Variants in PSME4 observed in about 807,000 individuals in gnomAD.
The protein encoded by PSME4 is proteasome activator complex subunit 4.
In PSME4, 89 loss-of-function variants were observed where a neutral mutation model predicts 253.9. That is an observed-to-expected ratio of 0.35 (90% CI 0.30 to 0.42). The LOEUF (loss-of-function observed/expected upper bound fraction) is 0.42, where lower values mean the gene tolerates loss of function less well. Among genes scored for constraint, PSME4 ranks in the 10% least tolerant of loss-of-function variants. The pLI is 1.00. For synonymous variants in PSME4, 851 were observed against 759.2 expected, an observed-to-expected ratio of 1.12 and a Z score of -1.99; for missense variants, 2,014 against 2,195.2, an observed-to-expected ratio of 0.92 and a Z score of 1.65.
chr2:53,940,746 A>G (rs898323221), intron 3 of PSME4, among the ~76,000 whole-genome samples: 1 of 150,532 alleles, frequency 6.6e-6, no homozygotes, highest in African/African-American at 2.4e-5. Context: ...AATATAAACA[A>G]TGGAGCACTA....
chr2:53,915,718 A>G (rs1368537985), intron 20 of PSME4, among the ~76,000 whole-genome samples: 2 of 152,182 alleles, frequency 1.3e-5, no homozygotes, highest in Non-Finnish European at 2.9e-5. Context: ...CTGACAAAAA[A>G]AAATTACAGC....
rs375646326 is a variant in PSME4 at position 53,923,270 on chromosome 2, A to T, written c.1908+51T>A. The T allele has an allele frequency of 4.5e-6, 7 of 1,541,000 alleles. No individual in the cohort carries two copies. In the African/African-American group the frequency reaches 9.7e-5, roughly 21 times the overall value. On this transcript the variant is annotated intron_variant, in intron 15 of 46. Transcript: ENST00000404125. ...GCACCTCTAATAATTAACCATATAA[A>T]CTAGTTGATTGTTGAGTCATTAATA...
chr2:53,957,826 G>A (rs1558428756), intron 1 of PSME4, among the ~76,000 whole-genome samples: 1 of 152,128 alleles, frequency 6.6e-6, no homozygotes. Flanking sequence ...TCTTCAGAAA[G>A]CAAAACTTTA....
rs192486875 is a variant in PSME4, at chr2:53,908,442, T to C, written c.2686-24A>G. 6 of 1,612,436 alleles carry C rather than the reference T, an allele frequency of 3.7e-6. No homozygotes were observed. In the East Asian group the frequency reaches 1.1e-4, roughly 30 times the overall value. On this transcript the variant is annotated intron_variant, in intron 23 of 46. Transcript: ENST00000404125. ...ATCTGTGTCAAAGAATTTCAAATTG[T>C]ATTTGCAAGTCATCAATCCAAGCTT...
intron 1 of PSME4, 126 bp downstream of exon 1, chr2:53,970,417 C>T: frequency 6.8e-7 from 1 of 1,470,138 alleles, no homozygotes; most frequent in Non-Finnish European, 9.0e-7. Flanking sequence ...CTGGGATCAC[C>T]GCTCGGGGAC....
chr2:53,891,263 G>C (rs571939908), intron 36 of PSME4, among the ~76,000 whole-genome samples: 16 of 152,232 alleles, frequency 1.1e-4, no homozygotes, highest in African/African-American at 3.9e-4. Context: ...GTCGTACAGA[G>C]ACTGCATTTA....
chr2:53,956,572 A>G (rs1052360161), intron 1 of PSME4, among the ~76,000 whole-genome samples: 2 of 151,776 alleles, frequency 1.3e-5, no homozygotes, highest in African/African-American at 4.8e-5. Context: ...AACAGGAATT[A>G]TTATTCTATA....
chr2:53,951,882 GC>G (rs1235903677), intron 1 of PSME4, among the ~76,000 whole-genome samples: 11 of 152,072 alleles, frequency 7.2e-5, no homozygotes, highest in African/African-American at 2.7e-4. Flanking sequence ...AAATGGTAAC[GC>G]ACGTAGATTA....
rs1448631176 is a variant in PSME4 at position 53,940,013 on chromosome 2, A to T, written c.501-13T>A. 1 of 1,556,958 alleles carries T rather than the reference A, an allele frequency of 6.4e-7. No homozygotes were observed. Among genetic ancestry groups the T allele is most frequent in the Non-Finnish European group, 8.8e-7 (1 of 1,139,252 alleles). On this transcript the variant is annotated splice_polypyrimidine_tract_variant and intron_variant, in intron 3 of 46. Transcript: ENST00000404125. ...ATTTTCTACAGAACTGGGGGGGGAA[A>T]GCCATTTGATAATTAGATTGGTGTA... is the stretch of plus-strand genomic sequence containing the variant.
At chr2:53,950,190 G>T (rs1669910297) in intron 1 of PSME4, among the ~76,000 whole-genome samples, 1 of 152,036 alleles carries the variant, frequency 6.6e-6, no homozygotes, top group Non-Finnish European at 1.5e-5. Flanking sequence ...TGAGGTGGGA[G>T]GATCACTGGA....
In PSME4 at chr2:53,948,454, T is replaced by C. The variant is rs774387192; in HGVS notation, c.467A>G (p.Lys156Arg). 4.3e-6 allele frequency: 7 copies of C among 1,612,842 alleles called. No individual in the cohort carries two copies. In the Admixed American group the frequency reaches 5.0e-5, roughly 12 times the overall value. ...CCAATTTAATCCTAGGTGCTCTGTC[T>C]TGGAATATAATATTCTTTCTACCAT... ...YDMVERILYS[K>R]TEHLGLNWFP... The change falls in exon 3 of 47, where the codon AAG becomes AGG. Residue 156 changes from lysine (K) to arginine (R), a missense_variant. Transcript: ENST00000404125.
chr2:53,950,816 G>T (rs1267744589), intron 1 of PSME4, among the ~76,000 whole-genome samples: 1 of 149,182 alleles, frequency 6.7e-6, no homozygotes, highest in East Asian at 2.0e-4. Context: ...ACTCCAGCCT[G>T]GGCAACAAGA....
At chr2:53,950,354 C>G (rs1175353955) in intron 1 of PSME4, among the ~76,000 whole-genome samples, 3 of 151,308 alleles carry the variant, frequency 2.0e-5, no homozygotes, top group African/African-American at 7.3e-5. Flanking sequence ...TATCTAATGA[C>G]CAATTAAAAC....
rs774751857 is a variant in PSME4, at chr2:53,928,501, CAA to C, written c.1317-200_1317-199del. ...CTGTAGTTTCCGTAGTTTCAGTTAACAAAGGTTAACCAAATATTTGTGTCCTG... is the reference window on the plus strand; with the variant it reads ...CTGTAGTTTCCGTAGTTTCAGTTAACAGGTTAACCAAATATTTGTGTCCTG... On this transcript the variant is annotated intron_variant, in intron 10 of 46. Coordinates refer to ENST00000404125, the MANE Select transcript of PSME4 (RefSeq NM_014614.3). Among the ~76,000 whole-genome samples, 12 of 139,774 alleles carry C rather than the reference CAA, an allele frequency of 8.6e-5. No homozygotes were observed. In the East Asian group the frequency reaches 2.3e-3, roughly 26 times the overall value. 91.7% of individuals were successfully genotyped at this position (139,774 alleles called of 152,430 possible). A position where few individuals can be genotyped will look rare whatever the true frequency, so the allele number is the denominator to read the frequency against.
chr2:53,881,506 T>G (rs1679388858), intron 41 of PSME4: 1 of 152,180 alleles, frequency 6.6e-6, no homozygotes, highest in African/African-American at 2.4e-5. Context: ...CTAACAGTTC[T>G]GTGAGGGACA....
At chr2:53,921,610 T>C (rs1441560301) in intron 17 of PSME4, among the ~76,000 whole-genome samples, 1 of 143,552 alleles carries the variant, frequency 7.0e-6, no homozygotes, top group Non-Finnish European at 1.5e-5. Flanking sequence ...GGCTCACGCC[T>C]GTAATCCCAG....
At position 53,890,112 on chromosome 2, in the gene PSME4, T is replaced by C. The variant is rs777983969; in HGVS notation, c.4288A>G (p.Thr1430Ala). 3.1e-6 allele frequency: 5 copies of C among 1,610,734 alleles called. No homozygotes were observed. Among genetic ancestry groups the C allele is most frequent in the South Asian group, 1.1e-5 (1 of 90,958 alleles). ...GATGTAGGGTAACTTACACAGGATG[T>C]TGCTATACAAGCTCCCCAGTCATTA... ...TYNDWGACIA[T>A]SCESRDPRKL... Residue 1430 changes from threonine to alanine, a missense_variant, in exon 37 of 47, where the codon ACA becomes GCA. Physicochemically the swap from Thr to Ala is moderately conservative, Grantham distance 58. Transcript: ENST00000404125.
intron 1 of PSME4, among the ~76,000 whole-genome samples, chr2:53,961,745 C>T (rs1391268020): frequency 6.6e-6 from 1 of 152,158 alleles, no homozygotes; most frequent in African/African-American, 2.4e-5. Flanking sequence ...AGCACTTCAA[C>T]ATAAATTTAA....
intron 8 of PSME4, among the ~76,000 whole-genome samples, chr2:53,933,540 C>T (rs1668958556): frequency 6.6e-6 from 1 of 152,120 alleles, no homozygotes; most frequent in Non-Finnish European, 1.5e-5. Flanking sequence ...TTATCATGCC[C>T]GTGCTTACTT....
Sources: allele counts gnomAD v4.1 joint callset (sites outside exome capture counted in the v4.1 genomes callset), GRCh38; gene constraint gnomAD v4.1.1; transcripts MANE v1.5; gene names NCBI Gene and HGNC (gene_info 2026-07-23, HGNC 2026-07-21).